Variants in PASK observed in about 807,000 individuals in gnomAD.
The protein encoded by PASK is PAS domain-containing serine/threonine-protein kinase.
PASK carries 110 observed loss-of-function variants against 121.0 expected under a neutral mutation model. That is an observed-to-expected ratio of 0.91 (90% CI 0.78 to 1.06). PASK has a LOEUF of 1.06. PASK is among the 50% of genes least tolerant of loss of function. PASK has a pLI of 0.00. For synonymous variants in PASK, 686 were observed against 717.8 expected (o/e 0.96, Z 0.71); for missense variants, 1,643 against 1,702.3 (o/e 0.97, Z 0.61).
At chr2:241,125,769 G>A (rs1264262741) in intron 10 of PASK, among the ~76,000 whole-genome samples, 1 of 152,158 alleles carries the variant, frequency 6.6e-6, no homozygotes, top group Non-Finnish European at 1.5e-5. Context: ...AAGAACACGT[G>A]AGCATCTCAC....
chr2:241,139,271 G>A (rs2066589122), intron 4 of PASK, among the ~76,000 whole-genome samples: 1 of 152,202 alleles, frequency 6.6e-6, no homozygotes, highest in African/African-American at 2.4e-5. Flanking sequence ...TAGAGCCTCA[G>A]ATCATACCCC....
rs755474015 is a variant in PASK, at chr2:241,115,261, G to A, written c.3198+27C>T. 9 of 1,613,790 alleles carry A rather than the reference G, an allele frequency of 5.6e-6. No homozygotes were observed. The East Asian group carries it at 1.6e-4, about 28-fold the overall frequency. Reference sequence around the variant, plus strand: ...AAGACATTTGACATGAGCCAAGTTAGGGTATCTCTGAAGAGGAAACCATCA... The same window carrying A: ...AAGACATTTGACATGAGCCAAGTTAAGGTATCTCTGAAGAGGAAACCATCA... On this transcript the variant is annotated intron_variant, in intron 13 of 17. Transcript: ENST00000234040.
Position 241,138,017 on chromosome 2 carries a change from C to G in PASK, c.812G>C (p.Gly271Ala). 1.2e-6 allele frequency: 2 copies of G among 1,614,144 alleles called. No individual in the cohort carries two copies. The highest frequency in any genetic ancestry group is 2.2e-5 in the South Asian group (2 of 91,090). Residue 271 changes from glycine to alanine, a missense_variant, in exon 6 of 18, where the codon GGG becomes GCG. By Grantham distance (60) the Gly-to-Ala change is moderately conservative. Coordinates refer to ENST00000234040, the MANE Select transcript of PASK (RefSeq NM_015148.4). Reference sequence around the variant, plus strand: ...AGGGATCAGGTCTGTGATATGCTGCCCAGCCACGTCCTCCCCAGACACGTA... The same window carrying G: ...AGGGATCAGGTCTGTGATATGCTGCGCAGCCACGTCCTCCCCAGACACGTA... ...HGYVSGEDVA[G>A]QHITDLIPSV...
At chr2:241,127,653 T>C (rs2065936487) in intron 9 of PASK, 2 of 613,322 alleles carry the variant, frequency 3.3e-6, no homozygotes, top group Non-Finnish European at 5.9e-6. Context: ...CATTTAGAAA[T>C]GATTTTGCAG....
chr2:241,146,398 T>C (rs1194682597), intron 1 of PASK, among the ~76,000 whole-genome samples: 1 of 152,058 alleles, frequency 6.6e-6, no homozygotes. Flanking sequence ...ACCAGAATGT[T>C]CGGGACAATA....
At chr2:241,125,064 G>GCCGAGGCAGGTGGATCACA (rs2065792217) in intron 10 of PASK, among the ~76,000 whole-genome samples, 1 of 152,160 alleles carries the variant, frequency 6.6e-6, no homozygotes, top group South Asian at 2.1e-4. Context: ...ACTTTGGGAG[G>GCCGAGGCAGGTGGATCACA]CCGAGGCAGG....
In PASK at chr2:241,142,920, C is replaced by T; in HGVS notation, c.113G>A (p.Ser38Asn). The change falls in exon 2 of 18, where the codon AGC (serine) becomes AAC (asparagine). Residue 38 changes from serine (S) to asparagine (N), a missense_variant. This residue lies in a region of PASK where 1,176 missense variants were observed against 1,162.2 expected (regional missense o/e 1.01). Transcript: ENST00000234040. Reference sequence around the variant, plus strand: ...TCTGTGGGCTGAGGAAAACGACCTGCTGGGCTCAGCAGTGGTCTGTGCAGC... The same window carrying T: ...TCTGTGGGCTGAGGAAAACGACCTGTTGGGCTCAGCAGTGGTCTGTGCAGC... ...GPAAQTTAEP[S>N]RSFSSAHRHL... is the part of the protein sequence containing the mutation. 2 of 1,614,052 alleles carry T rather than the reference C, an allele frequency of 1.2e-6. No homozygotes were observed. Among genetic ancestry groups the T allele is most frequent in the Non-Finnish European group, 1.7e-6 (2 of 1,179,922 alleles).
rs2065151903 is a variant in PASK, at chr2:241,112,526, CAAAG to C, written c.3334-91_3334-88del. On this transcript the variant is annotated intron_variant, in intron 14 of 17. Coordinates refer to ENST00000234040, the MANE Select transcript of PASK (RefSeq NM_015148.4). This position sits in a 1 kb window ranked among gnomAD's most constrained non-coding sequence, Gnocchi z 5.2. Reference sequence around the variant, plus strand: ...AAATAAACTGGAACAAAAAAAAACACAAAGAAAAAATAAACCTCCGACTCATAAT... The same window carrying C: ...AAATAAACTGGAACAAAAAAAAACACAAAAAATAAACCTCCGACTCATAAT... 2.4e-6 allele frequency: 2 copies of C among 841,700 alleles called. No homozygotes were observed. The highest frequency in any genetic ancestry group is 1.7e-5 in the African/African-American group (1 of 57,184). The allele number at this position is 841,700 out of a possible 1,614,324, so 52.1% of individuals were successfully genotyped here. A position where few individuals can be genotyped will look rare whatever the true frequency, so the allele number is the denominator to read the frequency against.
chr2:241,140,379 A>C, intron 3 of PASK, 142 bp downstream of exon 3: 2 of 730,728 alleles, frequency 2.7e-6, no homozygotes, highest in Non-Finnish European at 4.9e-6. Flanking sequence ...GCTGGTCTTG[A>C]ACTCCTGGGC....
chr2:241,148,549 G>A (rs1299015679), intron 1 of PASK, among the ~76,000 whole-genome samples: 1 of 152,184 alleles, frequency 6.6e-6, no homozygotes, highest in Admixed American at 6.5e-5. Flanking sequence ...AGAGTAGGTG[G>A]ACGTGGGCCT....
chr2:241,114,190 A>C (rs931700031), intron 14 of PASK: 2 of 971,540 alleles, frequency 2.1e-6, no homozygotes, highest in African/African-American at 3.5e-5. Context: ...AGAGGGAGAG[A>C]GGTGACCCTT....
intron 14 of PASK, chr2:241,114,292 G>T (rs2065234451): frequency 1.0e-6 from 1 of 985,278 alleles, no homozygotes; most frequent in South Asian, 4.7e-5. Flanking sequence ...GTAGCTTTAA[G>T]GAAGAAATGT....
chr2:241,147,732 AAGGG>A (rs1211101841), intron 1 of PASK, among the ~76,000 whole-genome samples: 1 of 149,134 alleles, frequency 6.7e-6, no homozygotes, highest in Non-Finnish European at 1.5e-5. Flanking sequence ...AAAAAAAGCA[AAGGG>A]AGGGTAAGGG....
intron 11 of PASK, 139 bp from the exon 12 acceptor site, chr2:241,123,038 C>T (rs1482124100): frequency 4.1e-6 from 3 of 731,504 alleles, no homozygotes; most frequent in Non-Finnish European, 6.7e-6. Context: ...TCCTCCCATG[C>T]TCTCAGACAG....
intron 12 of PASK, chr2:241,119,010 T>C: frequency 1.1e-6 from 1 of 917,816 alleles, no homozygotes; most frequent in Non-Finnish European, 1.3e-6. Context: ...CCTTGCGCCA[T>C]CGAGCAGCCC....
At chr2:241,134,638 G>A (rs1436951123) in intron 8 of PASK, 3 of 152,178 alleles carry the variant, frequency 2.0e-5, no homozygotes, top group Non-Finnish European at 2.9e-5. Context: ...GCACTCATTC[G>A]ATACCCGAGT....
Position 241,126,511 on chromosome 2 carries a change from C to T in PASK, c.2404G>A (p.Gly802Ser), listed in dbSNP as rs151042801. 457 of 1,614,134 alleles carry T rather than the reference C, an allele frequency of 2.8e-4. No homozygotes were observed. Among genetic ancestry groups the T allele is most frequent in the Non-Finnish European group, 3.4e-4 (407 of 1,180,050 alleles). The change falls in exon 10 of 18, where the codon GGC becomes AGC. Residue 802 changes from glycine to serine, a missense_variant. Coordinates refer to ENST00000234040, the MANE Select transcript of PASK (RefSeq NM_015148.4). The part of the protein sequence containing the change: ...LDDRELLLLT[G>S]TCVDLGQGRR... ...CCTTGGCCAAGGTCAACACAGGTGC[C>T]GGTCAGTAGTAACAGCTCCCTGTCA...
At chr2:241,114,364 G>T in intron 14 of PASK, 1 of 985,600 alleles carries the variant, frequency 1.0e-6, no homozygotes, top group Non-Finnish European at 1.2e-6. Flanking sequence ...AAGAGCAAAT[G>T]TGAGTTGTCT....
At chr2:241,149,733 T>A (rs1427608859), upstream of PASK, 1 of 1,546,430 alleles carries the variant, frequency 6.5e-7, no homozygotes, top group South Asian at 1.2e-5. Context: ...GCTCGCCTCT[T>A]GGAGGCCTCT....
Sources: gnomAD v4.1 joint callset for allele counts (sites outside exome capture counted in the v4.1 genomes callset) on GRCh38, gnomAD v4.1.1 for gene constraint, gnomAD v4.1.1 regional missense constraint, Gnocchi (gnomAD v3.1) non-coding constraint, MANE v1.5 for transcripts, NCBI Gene and HGNC (gene_info 2026-07-23, HGNC 2026-07-21) for gene names.